B4GALNT4: variants seen among roughly 807,000 people sequenced by gnomAD.
B4GALNT4 encodes the protein beta-1,4-N-acetyl-galactosaminyltransferase 4.
In B4GALNT4, 77 loss-of-function variants were observed where a neutral mutation model predicts 110.0. The observed-to-expected ratio is 0.70, with a 90% CI of 0.58 to 0.85. B4GALNT4 has a LOEUF of 0.85. B4GALNT4 is among the 40% of genes least tolerant of loss of function. The pLI, the probability that B4GALNT4 is intolerant of heterozygous loss-of-function variation, is 0.00. For synonymous variants in B4GALNT4, 785 were observed against 655.5 expected (o/e 1.20, Z -3.02); for missense variants, 1,575 against 1,506.0 (o/e 1.05, Z -0.76).
At position 373,079 on chromosome 11, in the gene B4GALNT4, A is replaced by T. The variant is rs539837726; in HGVS notation, c.498A>T (p.Gly166=). The T allele has an allele frequency of 2.7e-5, 43 of 1,610,278 alleles. No individual in the cohort carries two copies. In the East Asian group the frequency reaches 9.2e-4, roughly 34 times the overall value. ...LAVSPKWKNY[G]LRIFGFIHPA... is the part of the protein sequence containing the mutation. The stretch of plus-strand genomic sequence containing the variant: ...TGTCCCCCAAGTGGAAGAACTATGG[A>T]CTCCGTATTTTTGGTTTCATCCACC... The change falls in exon 5 of 20, where the codon GGA becomes GGT. Residue 166 remains glycine, a synonymous_variant. Coordinates refer to ENST00000329962, the MANE Select transcript of B4GALNT4 (RefSeq NM_178537.5).
rs556587237 is a variant in B4GALNT4, at chr11:380,028, C to A, written c.2642+9C>A. 1.2e-6 allele frequency: 2 copies of A among 1,610,770 alleles called. No individual in the cohort carries two copies. The highest frequency in any genetic ancestry group is 2.7e-5 in the African/African-American group (2 of 74,976). Reference sequence around the variant, plus strand: ...GCCGCGCGCCTGCCCCGGTAACGACCCCTACTTCCACCTGGGCGGACCCAG... The same window carrying A: ...GCCGCGCGCCTGCCCCGGTAACGACACCTACTTCCACCTGGGCGGACCCAG... On this transcript the variant is annotated intron_variant, in intron 16 of 19. Transcript: ENST00000329962.
Position 377,310 on chromosome 11 carries a change from G to A in B4GALNT4, c.2187G>A (p.Leu729=), listed in dbSNP as rs766461005. Residue 729 remains leucine (L), a synonymous_variant, in exon 14 of 20, where the codon CTG becomes CTA. Coordinates refer to ENST00000329962, the MANE Select transcript of B4GALNT4 (RefSeq NM_178537.5). ...VDVTAQYMER[L]NARHGGRFAL... ...TGACCGCTCAGTACATGGAGCGGCT[G>A]AACGCGCGCCACGGCGGGTATGGGG... 2.6e-6 allele frequency: 4 copies of A among 1,552,166 alleles called. No individual in the cohort carries two copies. Among genetic ancestry groups the A allele is most frequent in the South Asian group, 2.4e-5 (2 of 83,740 alleles).
intron 14 of B4GALNT4, 125 bp downstream of exon 14, chr11:377,452 G>GGT: frequency 9.2e-7 from 1 of 1,084,746 alleles, no homozygotes; most frequent in Non-Finnish European, 1.2e-6. Flanking sequence ...CGGCCTGGGG[G>GGT]CTGAGGCACC....
At chr11:379,391 G>T in intron 14 of B4GALNT4, 27 bp from the exon 15 acceptor site, 1 of 1,468,088 alleles carries the variant, frequency 6.8e-7, no homozygotes, top group Non-Finnish European at 9.0e-7. Flanking sequence ...GGAAGCCCCA[G>T]TACCGGCTGA....
chr11:372,158 G>A lies in B4GALNT4; in HGVS notation c.201G>A (p.Ala67=), dbSNP rs756559927. The A allele has an allele frequency of 1.1e-5, 17 of 1,550,018 alleles. No homozygotes were observed. The highest frequency in any genetic ancestry group is 2.4e-5 in the South Asian group (2 of 84,056). ...SETDGRGVHA[A]PSTQRAEDSS... ...CCGACGGCCGGGGGGTCCACGCTGC[G>A]CCATCCACACAGAGGGCTGAGGACT... Residue 67 remains alanine, a synonymous_variant, in exon 2 of 20, where the codon GCG becomes GCA. Coordinates refer to ENST00000329962, the MANE Select transcript of B4GALNT4 (RefSeq NM_178537.5).
At chr11:381,099 G>A in intron 19 of B4GALNT4, 148 bp downstream of exon 19, 1 of 1,452,974 alleles carries the variant, frequency 6.9e-7, no homozygotes, top group Non-Finnish European at 9.0e-7. Context: ...TGTAGGCCTG[G>A]AGAGACTCCT....
At position 372,177 on chromosome 11, in the gene B4GALNT4, G is replaced by A; in HGVS notation, c.220G>A (p.Glu74Lys). Residue 74 changes from glutamate to lysine, a missense_variant, in exon 2 of 20, where the codon GAG becomes AAG. Glu to Lys is a moderately conservative substitution (Grantham distance 56, BLOSUM62 1). Transcript: ENST00000329962. ...VHAAPSTQRAEDSSESREEEQ... is the reference protein window; with the variant it reads ...VHAAPSTQRAKDSSESREEEQ... ...CGCTGCGCCATCCACACAGAGGGCT[G>A]AGGACTCCAGTGAGAGCCGTGAAGA... is the stretch of plus-strand genomic sequence containing the variant. 6.5e-7 allele frequency: 1 copy of A among 1,550,168 alleles called. No homozygotes were observed. The highest frequency in any genetic ancestry group is 8.7e-7 in the Non-Finnish European group (1 of 1,146,844).
At chr11:375,406 T>A (rs1846722649) in intron 8 of B4GALNT4, 55 bp from the exon 9 acceptor site, 1 of 1,589,438 alleles carries the variant, frequency 6.3e-7, no homozygotes, top group Non-Finnish European at 8.6e-7. Context: ...AGACCCTTTC[T>A]TCCCTGGACC....
intron 1 of B4GALNT4, 36 bp from the exon 2 acceptor site, chr11:372,073 C>T: frequency 6.6e-7 from 1 of 1,516,332 alleles, no homozygotes; most frequent in African/African-American, 1.4e-5. Context: ...TTGGAGAGAG[C>T]CTGGGCCCGA....
In B4GALNT4 at chr11:377,136, G is replaced by T. The variant is rs1400120004; in HGVS notation, c.2013G>T (p.Ala671=). 1 of 1,517,494 alleles carries T rather than the reference G, an allele frequency of 6.6e-7. No individual in the cohort carries two copies. Among genetic ancestry groups the T allele is most frequent in the Non-Finnish European group, 8.8e-7 (1 of 1,133,886 alleles). The allele number at this position is 1,517,494 out of a possible 1,614,324, so 94.0% of individuals were successfully genotyped here. Residue 671 remains alanine, a synonymous_variant, in exon 14 of 20, where the codon GCG becomes GCT. Transcript: ENST00000329962. ...SEDSEEAAGP[A]LGRWREDAID... is the part of the protein sequence containing the mutation. Reference sequence around the variant, plus strand: ...ACAGCGAGGAGGCCGCGGGCCCGGCGCTCGGACGCTGGCGTGAGGACGCCA... The same window carrying T: ...ACAGCGAGGAGGCCGCGGGCCCGGCTCTCGGACGCTGGCGTGAGGACGCCA...
At chr11:377,537 C>G (rs1846784799) in intron 14 of B4GALNT4, among the ~76,000 whole-genome samples, 2 of 152,210 alleles carry the variant, frequency 1.3e-5, no homozygotes, top group Non-Finnish European at 2.9e-5. Flanking sequence ...CTTGTCCAGC[C>G]TCAGGGACCT....
Position 376,673 on chromosome 11 carries a change from C to T in B4GALNT4, c.1550C>T (p.Ala517Val), listed in dbSNP as rs1314414414. ...FLGRAPPPRPAVEQPPPKVYV... is the reference protein window; with the variant it reads ...FLGRAPPPRPVVEQPPPKVYV... ...GGCCGAGCTCCGCCCCCGCGCCCTG[C>T]AGTGGAGCAGCCGCCCCCAAAGGTG... The change falls in exon 14 of 20, where the codon GCA becomes GTA. Residue 517 changes from alanine to valine, a missense_variant. Coordinates refer to ENST00000329962, the MANE Select transcript of B4GALNT4 (RefSeq NM_178537.5). The T allele has an allele frequency of 7.0e-7, 1 of 1,427,988 alleles. No homozygotes were observed. The highest frequency in any genetic ancestry group is 9.1e-7 in the Non-Finnish European group (1 of 1,095,006). 88.5% of individuals were successfully genotyped at this position (1,427,988 alleles called of 1,614,324 possible). A position where few individuals can be genotyped will look rare whatever the true frequency, so the allele number is the denominator to read the frequency against.
At position 380,379 on chromosome 11, in the gene B4GALNT4, G is replaced by A. The variant is rs747747892; in HGVS notation, c.2803G>A (p.Gly935Ser). 3.5e-5 allele frequency: 57 copies of A among 1,613,102 alleles called. No homozygotes were observed. The highest frequency in any genetic ancestry group is 2.2e-4 in the South Asian group (20 of 91,082). ...LDGIRKHCVE[G>S]RLAFAPVVMR... ...CGGCATCCGCAAGCACTGCGTGGAG[G>A]GCAGGCTGGCCTTCGCGCCCGTGGT... The change falls in exon 18 of 20, where the codon GGC becomes AGC. Residue 935 changes from glycine (G) to serine (S), a missense_variant. Physicochemically the swap from Gly to Ser is moderately conservative, Grantham distance 56. Coordinates refer to ENST00000329962, the MANE Select transcript of B4GALNT4 (RefSeq NM_178537.5).
At position 369,723 on chromosome 11, in the gene B4GALNT4, G is replaced by A. The variant is rs1590331971; in HGVS notation, c.-81G>A. On this transcript the variant is annotated 5_prime_UTR_variant, in exon 1 of 20. Transcript: ENST00000329962. ...GCGCTGAGCGCGGCGGGGCGGGCCG[G>A]GGATGCGGCGCGGGGCGGGCGGGGG... 1.4e-6 allele frequency: 1 copy of A among 719,628 alleles called. No homozygotes were observed. Among genetic ancestry groups the A allele is most frequent in the Non-Finnish European group, 1.7e-6 (1 of 590,842 alleles). 44.6% of individuals were successfully genotyped at this position (719,628 alleles called of 1,614,324 possible).
chr11:369,558 C>T lies in B4GALNT4; in HGVS notation c.-246C>T, dbSNP rs1436268583. Among the ~76,000 whole-genome samples the T allele has an allele frequency of 6.9e-6, 1 of 143,958 alleles. No homozygotes were observed. Among genetic ancestry groups the T allele is most frequent in the Non-Finnish European group, 1.5e-5 (1 of 65,018 alleles). 94.4% of individuals were successfully genotyped at this position (143,958 alleles called of 152,430 possible). A position where few individuals can be genotyped will look rare whatever the true frequency, so the allele number is the denominator to read the frequency against. On this transcript the variant is annotated 5_prime_UTR_variant, in exon 1 of 20. Transcript: ENST00000329962. ...CCGCCGCCGCCCCAGGAGCGCGGAG[C>T]CGGGAGCGGCCGGGCGGGGGGCACC...
intron 14 of B4GALNT4, among the ~76,000 whole-genome samples, chr11:377,557 C>T (rs556306086): frequency 6.6e-6 from 1 of 152,332 alleles, no homozygotes; most frequent in South Asian, 2.1e-4. Flanking sequence ...TCCCTGGAGC[C>T]CCACCCAGGG....
Position 372,928 on chromosome 11 carries a change from A to T in B4GALNT4, c.425A>T (p.His142Leu). The change falls in exon 4 of 20, where the codon CAC becomes CTC. Residue 142 changes from histidine (H) to leucine (L), a missense_variant. By Grantham distance (99) the His-to-Leu change is moderately conservative (BLOSUM62 -3). Coordinates refer to ENST00000329962, the MANE Select transcript of B4GALNT4 (RefSeq NM_178537.5). ...GAVGHLRRNL[H>L]FPLFPHTRTT... ...GTGGGCCACCTGAGGAGGAACCTGCACTTCCCGCTGTTCCCTCATGTGAGT... is the reference window on the plus strand; with the variant it reads ...GTGGGCCACCTGAGGAGGAACCTGCTCTTCCCGCTGTTCCCTCATGTGAGT... 1 of 1,604,074 alleles carries T rather than the reference A, an allele frequency of 6.2e-7. No individual in the cohort carries two copies. Among genetic ancestry groups the T allele is most frequent in the Non-Finnish European group, 8.5e-7 (1 of 1,177,088 alleles).
rs769476134 is a variant in B4GALNT4 at position 375,508 on chromosome 11, T to C, written c.831T>C (p.Ala277=). 4 of 1,611,426 alleles carry C rather than the reference T, an allele frequency of 2.5e-6. No homozygotes were observed. Among genetic ancestry groups the C allele is most frequent in the East Asian group, 2.2e-5 (1 of 44,874 alleles). ...PGLKFEVISS[A]HISLYTDESA... ...TGAAGTTCGAGGTCATCAGCTCTGCTCACATCTCCCTGTACACAGGTGCGA... is the reference window on the plus strand; with the variant it reads ...TGAAGTTCGAGGTCATCAGCTCTGCCCACATCTCCCTGTACACAGGTGCGA... Residue 277 remains alanine (A), a synonymous_variant, in exon 9 of 20, where the codon GCT becomes GCC. Coordinates refer to ENST00000329962, the MANE Select transcript of B4GALNT4 (RefSeq NM_178537.5).
chr11:376,526 C>T lies in B4GALNT4; in HGVS notation c.1403C>T (p.Ala468Val). The T allele has an allele frequency of 6.8e-7, 1 of 1,466,294 alleles. No individual in the cohort carries two copies. Among genetic ancestry groups the T allele is most frequent in the Non-Finnish European group, 8.9e-7 (1 of 1,117,790 alleles). 90.8% of individuals were successfully genotyped at this position (1,466,294 alleles called of 1,614,324 possible). A position where few individuals can be genotyped will look rare whatever the true frequency, so the allele number is the denominator to read the frequency against. ...CAGTCCCCCGCCCCAGCAGCCCCCG[C>T]CCAGCCCGGAGCCACCCTCGCCCCG... The part of the protein sequence containing the change: ...GPQSPAPAAP[A>V]QPGATLAPPT... Residue 468 changes from alanine (A) to valine (V), a missense_variant, in exon 14 of 20, where the codon GCC (alanine) becomes GTC (valine). Ala to Val is a moderately conservative substitution (Grantham distance 64). Transcript: ENST00000329962.
Sources: allele counts gnomAD v4.1 joint callset (sites outside exome capture counted in the v4.1 genomes callset), GRCh38; gene constraint gnomAD v4.1.1; transcripts MANE v1.5; gene names NCBI Gene and HGNC (gene_info 2026-07-23, HGNC 2026-07-21).